Variants in PDGFRA observed in about 807,000 individuals in gnomAD.
The protein encoded by PDGFRA is platelet derived growth factor receptor alpha.
A neutral mutation model predicts 121.5 loss-of-function variants in PDGFRA; 25 were observed. The ratio of observed to expected loss-of-function variants is 0.21; its 90% confidence interval spans 0.15 to 0.29. PDGFRA has a LOEUF of 0.29. Ranked by LOEUF, PDGFRA falls within the 10% of genes least tolerant of loss-of-function variation. The probability of loss-of-function intolerance (pLI) is 1.00; values close to 1 mark genes in which losing one functional copy is unlikely to be tolerated. For synonymous variants in PDGFRA, 463 were observed against 494.8 expected (o/e 0.94, Z 0.85); for missense variants, 1,008 against 1,345.1 (o/e 0.75, Z 3.92).
intron 5 of PDGFRA, among the ~76,000 whole-genome samples, chr4:54,266,193 C>T (rs1021336965): frequency 1.3e-5 from 2 of 152,096 alleles, no homozygotes; most frequent in East Asian, 1.9e-4. Context: ...TTTTCCAAAC[C>T]GAAGTACATG....
chr4:54,257,806 G>A (rs914227541), intron 1 of PDGFRA, among the ~76,000 whole-genome samples: 2 of 152,064 alleles, frequency 1.3e-5, no homozygotes, highest in African/African-American at 2.4e-5. Context: ...CCCTTCAGTG[G>A]TTTTACCCCA....
At chr4:54,233,770 G>T (rs1395700220) in intron 1 of PDGFRA, among the ~76,000 whole-genome samples, 3 of 152,252 alleles carry the variant, frequency 2.0e-5, no homozygotes, top group Non-Finnish European at 4.4e-5. Flanking sequence ...GTTCTTGGGG[G>T]GCAGGCGCCG....
intron 5 of PDGFRA, among the ~76,000 whole-genome samples, chr4:54,266,411 CTTT>C (rs552308043): frequency 7.7e-6 from 1 of 130,542 alleles, no homozygotes. Flanking sequence ...TTTCTTTTTT[CTTT>C]TTTTTTTTTG....
intron 1 of PDGFRA, among the ~76,000 whole-genome samples, chr4:54,237,868 A>T (rs1721098426): frequency 6.6e-6 from 1 of 152,184 alleles, no homozygotes; most frequent in African/African-American, 2.4e-5. Flanking sequence ...TGGCTAAAAC[A>T]CTGACCTTCC....
At chr4:54,257,868 T>C (rs986468768) in intron 1 of PDGFRA, among the ~76,000 whole-genome samples, 12 of 152,334 alleles carry the variant, frequency 7.9e-5, no homozygotes, top group Admixed American at 2.6e-4. Flanking sequence ...TTCTTTTCCC[T>C]TCCCACTTTT....
rs200434193 is a variant in PDGFRA, at chr4:54,273,666, C to A, written c.1494C>A (p.Ala498=). 1 of 1,614,052 alleles carries A rather than the reference C, an allele frequency of 6.2e-7. No individual in the cohort carries two copies. Among genetic ancestry groups the A allele is most frequent in the Non-Finnish European group, 8.5e-7 (1 of 1,180,006 alleles). ...TCGCCAAAGTGGAGGAGACCATCGCCGTGCGATGCCTGGCTAAGAATCTCC... is the reference window on the plus strand; with the variant it reads ...TCGCCAAAGTGGAGGAGACCATCGCAGTGCGATGCCTGGCTAAGAATCTCC... ...VTFAKVEETI[A]VRCLAKNLLG... The change falls in exon 10 of 23, where the codon GCC becomes GCA. Residue 498 remains alanine, a synonymous_variant. Transcript: ENST00000257290.
chr4:54,261,487 C>T, intron 3 of PDGFRA, 75 bp downstream of exon 3: 1 of 871,244 alleles, frequency 1.1e-6, no homozygotes, highest in Non-Finnish European at 1.8e-6. Flanking sequence ...AGGTTTTAAA[C>T]ATATATATAA....
intron 15 of PDGFRA, among the ~76,000 whole-genome samples, chr4:54,279,546 C>G (rs1367346781): frequency 6.6e-6 from 1 of 151,858 alleles, no homozygotes; most frequent in Non-Finnish European, 1.5e-5. Context: ...CTTTTTTTCC[C>G]TATTTAAAAA....
At chr4:54,284,583 A>AGG (rs1220436278) in intron 16 of PDGFRA, among the ~76,000 whole-genome samples, 1 of 145,234 alleles carries the variant, frequency 6.9e-6, no homozygotes, top group Admixed American at 6.9e-5. Context: ...AGAGAGAGAG[A>AGG]GAGAGAGAGA....
rs141904599 is a variant in PDGFRA, at chr4:54,295,128, G to T, written c.3126G>T (p.Ser1042=). 1.9e-6 allele frequency: 3 copies of T among 1,613,920 alleles called. No homozygotes were observed. The highest frequency in any genetic ancestry group is 1.7e-6 in the Non-Finnish European group (2 of 1,179,872). ...EDLGKRNRHS[S]QTSEESAIET... Reference sequence around the variant, plus strand: ...TGCTCTTCTCTCCCTCCTCCAGCTCGCAGACCTCTGAAGAGAGTGCCATTG... The same window carrying T: ...TGCTCTTCTCTCCCTCCTCCAGCTCTCAGACCTCTGAAGAGAGTGCCATTG... The change falls in exon 23 of 23, where the codon TCG becomes TCT. Residue 1042 remains serine, a synonymous_variant. Coordinates refer to ENST00000257290, the MANE Select transcript of PDGFRA (RefSeq NM_006206.6).
intron 17 of PDGFRA, 78 bp from the exon 18 acceptor site, chr4:54,285,763 A>T (rs2110336938): frequency 2.0e-6 from 3 of 1,496,054 alleles, no homozygotes; most frequent in Non-Finnish European, 2.8e-6. Flanking sequence ...GCCACCATGG[A>T]TCAGCCAGTC....
intron 1 of PDGFRA, among the ~76,000 whole-genome samples, chr4:54,233,459 C>T (rs929514613): frequency 2.6e-5 from 4 of 152,262 alleles, no homozygotes; most frequent in African/African-American, 9.6e-5. Flanking sequence ...ATTCGCGGGG[C>T]TGTCGCGCCC....
chr4:54,284,261 A>G (rs1333117964), intron 16 of PDGFRA, among the ~76,000 whole-genome samples: 1 of 152,144 alleles, frequency 6.6e-6, no homozygotes, highest in Non-Finnish European at 1.5e-5. Context: ...ACTTTCCTTC[A>G]TCTTCCTGTC....
At chr4:54,287,588 C>T in intron 19 of PDGFRA, 47 bp downstream of exon 19, 1 of 818,850 alleles carries the variant, frequency 1.2e-6, no homozygotes, top group Non-Finnish European at 2.2e-6. Context: ...TGAAACACCA[C>T]TGGAAGGAAA....
chr4:54,248,233 A>G (rs1721813873), intron 1 of PDGFRA, among the ~76,000 whole-genome samples: 1 of 152,210 alleles, frequency 6.6e-6, no homozygotes, highest in African/African-American at 2.4e-5. Flanking sequence ...TTCATGTGGA[A>G]CCAAAAAAGA....
intron 18 of PDGFRA, 89 bp downstream of exon 18, chr4:54,286,052 G>T: frequency 7.3e-7 from 1 of 1,374,804 alleles, no homozygotes; most frequent in Non-Finnish European, 1.0e-6. Context: ...TTCGGTGCCT[G>T]TTTTTTAAAA....
chr4:54,239,001 G>A (rs979329703), intron 1 of PDGFRA, among the ~76,000 whole-genome samples: 5 of 152,004 alleles, frequency 3.3e-5, no homozygotes, highest in Admixed American at 1.3e-4. Flanking sequence ...AAATAAATAA[G>A]CCAGCAAAAC....
At chr4:54,261,915 ATATATATATATATATAT>A (rs1372728171) in intron 3 of PDGFRA, among the ~76,000 whole-genome samples, 1 of 61,602 alleles carries the variant, frequency 1.6e-5, no homozygotes, top group African/African-American at 5.1e-5. Flanking sequence ...ATATATATAT[ATATATATATATATATAT>A]TTTTTTTTTT....
rs1724972690 is a variant in PDGFRA at position 54,298,208 on chromosome 4, T to A, written c.*2936T>A. 1 of 198,692 alleles carries A rather than the reference T, an allele frequency of 5.0e-6. No individual in the cohort carries two copies. The highest frequency in any genetic ancestry group is 1.0e-5 in the Non-Finnish European group (1 of 95,784). The allele number at this position is 198,692 out of a possible 1,614,324, so 12.3% of individuals were successfully genotyped here. On this transcript the variant is annotated 3_prime_UTR_variant, in exon 23 of 23. Transcript: ENST00000257290. The stretch of plus-strand genomic sequence containing the variant: ...TTGTTTTAAAACGTGTAAATGAAGA[T>A]CTTTATATTTCAATAAATGATATAT...
Sources: allele counts gnomAD v4.1 joint callset (sites outside exome capture counted in the v4.1 genomes callset), GRCh38; gene constraint gnomAD v4.1.1; transcripts MANE v1.5; gene names NCBI Gene and HGNC (gene_info 2026-07-23, HGNC 2026-07-21).